ZNF475: variants seen among roughly 807,000 people sequenced by gnomAD.
ZNF475 encodes zinc finger protein 475.
chr5:122,162,141 A>G, the ZNF475 span: 2 of 152,236 alleles, frequency 1.3e-5, no homozygotes, highest in African/African-American at 2.4e-5. Flanking sequence ...GGAAATATCA[A>G]TAGTTCTTTT....
the ZNF475 span, among the ~76,000 whole-genome samples, chr5:122,172,860 C>T: frequency 1.1e-4 from 16 of 151,954 alleles, no homozygotes; most frequent in African/African-American, 3.9e-4. Context: ...GGTGAAACCC[C>T]GTGTCTACTA....
the ZNF475 span, among the ~76,000 whole-genome samples, chr5:122,167,211 G>T: frequency 6.6e-6 from 1 of 152,196 alleles, no homozygotes; most frequent in African/African-American, 2.4e-5. Context: ...CAGAGGAAGA[G>T]TCCTGCTTTT....
the ZNF475 span, among the ~76,000 whole-genome samples, chr5:122,178,151 G>A: frequency 6.6e-6 from 1 of 152,112 alleles, no homozygotes; most frequent in African/African-American, 2.4e-5. Flanking sequence ...GCATTGGTGG[G>A]CATTTGGGTT....
chr5:122,162,646 C>T, the ZNF475 span, among the ~76,000 whole-genome samples: 1 of 151,974 alleles, frequency 6.6e-6, no homozygotes, highest in Admixed American at 6.5e-5. Flanking sequence ...CTGGTGGCCT[C>T]GCCTCATATT....
At chr5:122,165,312 T>G in the ZNF475 span, among the ~76,000 whole-genome samples, 1 of 152,224 alleles carries the variant, frequency 6.6e-6, no homozygotes, top group African/African-American at 2.4e-5. Context: ...GAAAAGCATC[T>G]GATTCATCCC....
At chr5:122,160,493 T>A in the ZNF475 span, among the ~76,000 whole-genome samples, 100 of 152,338 alleles carry the variant, frequency 6.6e-4, no homozygotes, top group African/African-American at 2.3e-3. Context: ...TAAAAACTTA[T>A]CCTTGACTTA....
chr5:122,161,980 TAAA>T, the ZNF475 span, among the ~76,000 whole-genome samples: 1 of 141,602 alleles, frequency 7.1e-6, no homozygotes. Flanking sequence ...ATGTGAAAAT[TAAA>T]AAAAAAAAAA....
the ZNF475 span, among the ~76,000 whole-genome samples, chr5:122,174,889 T>TA: frequency 1.2e-4 from 19 of 152,304 alleles, no homozygotes; most frequent in African/African-American, 3.8e-4. Flanking sequence ...ATAAACATGT[T>TA]AAAAAAATAG....
At chr5:122,171,090 TAATTCC>T in the ZNF475 span, among the ~76,000 whole-genome samples, 1,500 of 152,248 alleles carry the variant, frequency 9.9e-3, 26 homozygotes, top group African/African-American at 0.034. Context: ...ATATTAATTC[TAATTCC>T]AACTACTAGT....
the ZNF475 span, among the ~76,000 whole-genome samples, chr5:122,166,501 TCCCACGACAGGCC>T: frequency 1.3e-5 from 2 of 152,060 alleles, no homozygotes; most frequent in African/African-American, 4.8e-5. Context: ...CCTCCCCCAA[TCCCACGACAGGCC>T]CCAGTGTATG....
the ZNF475 span, among the ~76,000 whole-genome samples, chr5:122,163,891 G>C: frequency 6.6e-6 from 1 of 151,802 alleles, no homozygotes; most frequent in South Asian, 2.1e-4. Flanking sequence ...TGTTGTAATT[G>C]TTATCATGTT....
At chr5:122,171,848 C>T in the ZNF475 span, among the ~76,000 whole-genome samples, 3 of 151,984 alleles carry the variant, frequency 2.0e-5, no homozygotes, top group Non-Finnish European at 4.4e-5. Context: ...AGGTGGTCCT[C>T]CCACTTCAGG....
the ZNF475 span, among the ~76,000 whole-genome samples, chr5:122,164,721 G>A: frequency 6.6e-6 from 1 of 152,170 alleles, no homozygotes; most frequent in Non-Finnish European, 1.5e-5. Context: ...CAGGATCCTA[G>A]GGAGGCTGCA....
the ZNF475 span, chr5:122,179,650 A>G: frequency 3.9e-6 from 6 of 1,534,986 alleles, no homozygotes; most frequent in African/African-American, 1.4e-5. Flanking sequence ...TGTCTGAAAA[A>G]ATGGCATAAT....
the ZNF475 span, among the ~76,000 whole-genome samples, chr5:122,169,119 G>T: frequency 6.6e-6 from 1 of 151,108 alleles, no homozygotes; most frequent in East Asian, 1.9e-4. Context: ...TTTCCATTAT[G>T]GGCATTATAG....
At chr5:122,175,221 T>G in the ZNF475 span, among the ~76,000 whole-genome samples, 1 of 152,242 alleles carries the variant, frequency 6.6e-6, no homozygotes, top group Non-Finnish European at 1.5e-5. Flanking sequence ...ATCTAAAATC[T>G]CTTTTTATGC....
chr5:122,173,035 A>G, the ZNF475 span, among the ~76,000 whole-genome samples: 1 of 148,304 alleles, frequency 6.7e-6, no homozygotes, highest in African/African-American at 2.5e-5. Flanking sequence ...TCCGTCTCAG[A>G]AAAAAAAAAA....
chr5:122,182,406 G>A, the ZNF475 span: 2 of 1,049,168 alleles, frequency 1.9e-6, no homozygotes, highest in East Asian at 2.8e-5. Flanking sequence ...AATAAAAACT[G>A]ATCCATTTTA....
chr5:122,179,668 A>C, the ZNF475 span: 4 of 1,535,132 alleles, frequency 2.6e-6, no homozygotes, highest in East Asian at 7.3e-5. Context: ...AATGAAAACA[A>C]CTTGTTGCCT....
Sources: allele counts gnomAD v4.1 joint callset (sites outside exome capture counted in the v4.1 genomes callset), GRCh38; gene constraint gnomAD v4.1.1; transcripts MANE v1.5; gene names NCBI Gene and HGNC (gene_info 2026-07-23, HGNC 2026-07-21).